The following PDE4D variants were observed in gnomAD, a reference collection of about 807,000 sequenced individuals.
PDE4D encodes phosphodiesterase 4D.
Under a neutral mutation model 87.4 loss-of-function variants are expected in PDE4D, and 24 were observed. That is an observed-to-expected ratio of 0.27 (90% CI 0.20 to 0.39). The LOEUF (loss-of-function observed/expected upper bound fraction) is 0.39. Among genes scored for constraint, PDE4D ranks in the 10% least tolerant of loss-of-function variants. PDE4D has a pLI of 1.00. For synonymous variants in PDE4D, 384 were observed against 383.2 expected (o/e 1.00, Z -0.02); for missense variants, 714 against 1,041.0 (o/e 0.69, Z 4.32).
At chr5:60,451,878 G>T (rs1475855301) in intron 1 of PDE4D, among the ~76,000 whole-genome samples, 1 of 152,002 alleles carries the variant, frequency 6.6e-6, no homozygotes, top group Non-Finnish European at 1.5e-5. Flanking sequence ...GTTTTGCCAG[G>T]TTTGTTGAAA....
At chr5:59,818,361 T>G (rs1007062046) in intron 1 of PDE4D, among the ~76,000 whole-genome samples, 1 of 152,204 alleles carries the variant, frequency 6.6e-6, no homozygotes, top group Non-Finnish European at 1.5e-5. Context: ...ATATGTAAAG[T>G]GCATGGACCC....
chr5:59,860,822 C>T (rs866526716), intron 1 of PDE4D, among the ~76,000 whole-genome samples: 21 of 152,024 alleles, frequency 1.4e-4, no homozygotes, highest in Middle Eastern at 6.8e-3. Flanking sequence ...TAAATGCTAA[C>T]ATAACCTTGT....
chr5:59,683,317 G>A lies in PDE4D; in HGVS notation c.455+209851C>T, dbSNP rs573359013. 2.6e-5 allele frequency among the ~76,000 whole-genome samples: 4 copies of A among 152,302 alleles called. No homozygotes were observed. In the East Asian group the frequency reaches 7.7e-4, roughly 29 times the overall value. ...ATGTTAACATTTGGGGGATATTGGTGAGGGGTATCTGGGAATTCCTTGTGC... is the reference window on the plus strand; with the variant it reads ...ATGTTAACATTTGGGGGATATTGGTAAGGGGTATCTGGGAATTCCTTGTGC... On this transcript the variant is annotated intron_variant, in intron 1 of 14. Coordinates refer to ENST00000340635, the MANE Select transcript of PDE4D (RefSeq NM_001104631.2).
chr5:59,927,285 TC>T (rs1581769435), intron 3 of PDE4D, among the ~76,000 whole-genome samples: 1 of 152,208 alleles, frequency 6.6e-6, no homozygotes, highest in Non-Finnish European at 1.5e-5. Context: ...ACTTTTTCTC[TC>T]AAATGCAAAG....
chr5:59,593,406 T>G (rs1204898648), intron 1 of PDE4D, among the ~76,000 whole-genome samples: 1 of 152,170 alleles, frequency 6.6e-6, no homozygotes, highest in Admixed American at 6.5e-5. Context: ...ATAGATTTGC[T>G]TTCACTGGAA....
chr5:59,507,415 C>T (rs1449566887), intron 1 of PDE4D, among the ~76,000 whole-genome samples: 1 of 151,912 alleles, frequency 6.6e-6, no homozygotes, highest in Non-Finnish European at 1.5e-5. Context: ...AAATGAACTA[C>T]AACTACATAT....
At chr5:59,363,911 A>G (rs1177476900) in intron 1 of PDE4D, among the ~76,000 whole-genome samples, 2 of 152,142 alleles carry the variant, frequency 1.3e-5, no homozygotes, top group Non-Finnish European at 2.9e-5. Context: ...GCTTGAGGAA[A>G]AGTGATCCTG....
chr5:60,184,509 T>C (rs961651354), intron 2 of PDE4D, among the ~76,000 whole-genome samples: 1 of 152,154 alleles, frequency 6.6e-6, no homozygotes, highest in African/African-American at 2.4e-5. Flanking sequence ...AACACATAAA[T>C]TTGAACAATT....
chr5:60,415,167 C>G (rs968247293), intron 1 of PDE4D, among the ~76,000 whole-genome samples: 2 of 152,218 alleles, frequency 1.3e-5, no homozygotes. Context: ...TTTCCTAGAC[C>G]CTCTGCATCT....
intron 1 of PDE4D, among the ~76,000 whole-genome samples, chr5:59,295,854 A>C (rs1475747958): frequency 6.6e-6 from 1 of 152,020 alleles, no homozygotes; most frequent in Non-Finnish European, 1.5e-5. Context: ...AAAAACAAAA[A>C]AAAAAACAGC....
At chr5:60,170,740 CAGAAG>C (rs1783351560) in intron 2 of PDE4D, among the ~76,000 whole-genome samples, 1 of 151,788 alleles carries the variant, frequency 6.6e-6, no homozygotes, top group Non-Finnish European at 1.5e-5. Flanking sequence ...GATGAAACAA[CAGAAG>C]AGAACATCTT....
chr5:60,431,182 A>G lies in PDE4D; in HGVS notation c.-90+56760T>C, dbSNP rs377125284. ...GGCCGGGCGGGGGGCTGACCCCCCC[A>G]CCTCCCTCCCAGACAGGGTGGCTGC... On this transcript the variant is annotated intron_variant, in intron 1 of 16. Coordinates refer to the PDE4D transcript ENST00000502484. The G allele has an allele frequency of 1.0e-3, 190 of 190,904 alleles. 3 individuals are homozygous for G. In the East Asian group the frequency reaches 0.029, roughly 29 times the overall value. The allele number at this position is 190,904 out of a possible 1,614,324, so 11.8% of individuals were successfully genotyped here.
intron 3 of PDE4D, among the ~76,000 whole-genome samples, chr5:59,190,578 A>G (rs1163751250): frequency 6.6e-6 from 1 of 152,174 alleles, no homozygotes; most frequent in Non-Finnish European, 1.5e-5. Flanking sequence ...GATTGGTATC[A>G]CTTCAAGTGA....
chr5:59,673,378 G>C (rs927463183), intron 1 of PDE4D, among the ~76,000 whole-genome samples: 7 of 152,140 alleles, frequency 4.6e-5, no homozygotes, highest in Non-Finnish European at 7.3e-5. Flanking sequence ...GAAAGCAAAA[G>C]AGACCTTCCG....
At chr5:59,996,996 A>C (rs984363369) in intron 2 of PDE4D, among the ~76,000 whole-genome samples, 1 of 152,262 alleles carries the variant, frequency 6.6e-6, no homozygotes, top group Admixed American at 6.5e-5. Flanking sequence ...AAACTTCCAA[A>C]AAGTTTCCAA....
At chr5:60,051,566 A>G (rs1052625721) in intron 2 of PDE4D, among the ~76,000 whole-genome samples, 2 of 152,212 alleles carry the variant, frequency 1.3e-5, no homozygotes, top group African/African-American at 4.8e-5. Context: ...ATAGGACCAA[A>G]TGCCCACAGG....
chr5:58,992,086 T>TC, intron 7 of PDE4D, 82 bp from the exon 8 acceptor site: 1 of 847,862 alleles, frequency 1.2e-6, no homozygotes. Flanking sequence ...AGGATTATAA[T>TC]TGATCATTAT....
intron 1 of PDE4D, among the ~76,000 whole-genome samples, chr5:59,861,492 G>C (rs1746282168): frequency 6.6e-6 from 1 of 152,090 alleles, no homozygotes; most frequent in Admixed American, 6.5e-5. Flanking sequence ...CAAACTACCA[G>C]TTCAGTTCAG....
intron 1 of PDE4D, among the ~76,000 whole-genome samples, chr5:59,219,514 A>G (rs2153508324): frequency 6.6e-6 from 1 of 152,266 alleles, no homozygotes; most frequent in South Asian, 2.1e-4. Flanking sequence ...TTAGTGAATG[A>G]CTTTATACAA....
Sources: gnomAD v4.1 joint callset for allele counts (sites outside exome capture counted in the v4.1 genomes callset) on GRCh38, gnomAD v4.1.1 for gene constraint, MANE v1.5 for transcripts, NCBI Gene and HGNC (gene_info 2026-07-23, HGNC 2026-07-21) for gene names.